Variants in MLXIPL observed in about 807,000 individuals in gnomAD.
MLXIPL encodes carbohydrate-responsive element-binding protein.
A neutral mutation model predicts 81.5 loss-of-function variants in MLXIPL; 49 were observed. The observed-to-expected ratio is 0.60, with a 90% CI of 0.48 to 0.76. The LOEUF is 0.76. Ranked by LOEUF, MLXIPL falls within the 30% of genes least tolerant of loss-of-function variation. The pLI, the probability that MLXIPL is intolerant of heterozygous loss-of-function variation, is 0.00. For missense variants in MLXIPL, 1,053 were observed against 1,167.0 expected, an observed-to-expected ratio of 0.90 and a Z score of 1.42; for synonymous variants, 466 against 485.5, an observed-to-expected ratio of 0.96 and a Z score of 0.53.
At chr7:73,644,890 G>A in the MLXIPL span, among the ~76,000 whole-genome samples, 1 of 152,206 alleles carries the variant, frequency 6.6e-6, no homozygotes, top group Non-Finnish European at 1.5e-5. Context: ...TCAGGCCCCT[G>A]GACTGAGATA....
At chr7:73,605,830 A>G (rs1795230010) in intron 6 of MLXIPL, 62 bp from the exon 7 acceptor site, 3 of 1,566,746 alleles carry the variant, frequency 1.9e-6, no homozygotes, top group South Asian at 1.1e-5. Context: ...CCCCACCCCC[A>G]TCCCCAGCCA....
intron 2 of MLXIPL, among the ~76,000 whole-genome samples, chr7:73,611,783 CCCAGCCTGGGTGACAGAG>C (rs1554599784): frequency 6.6e-6 from 1 of 151,200 alleles, no homozygotes; most frequent in East Asian, 2.0e-4. Flanking sequence ...ACCACTGCAC[CCCAGCCTGGGTGACAGAG>C]TGAGACTGTC....
In MLXIPL at chr7:73,596,936, T is replaced by C. The variant is rs927561760; in HGVS notation, c.1604-4A>G. ...TCCAGGGCTTGCTCCGGCTTAGCTG[T>C]GCACGGGCAGAACCGTGAGGCTACT... On this transcript the variant is annotated splice_polypyrimidine_tract_variant and splice_region_variant and intron_variant, in intron 9 of 16. Transcript: ENST00000313375. This position sits in a 1 kb window ranked among gnomAD's most constrained non-coding sequence, Gnocchi z 4.7. 22 of 1,608,244 alleles carry C rather than the reference T, an allele frequency of 1.4e-5. No homozygotes were observed. The highest frequency in any genetic ancestry group is 1.9e-5 in the Non-Finnish European group (22 of 1,178,948).
chr7:73,608,828 G>C (rs1554599075), intron 2 of MLXIPL, among the ~76,000 whole-genome samples: 1 of 151,890 alleles, frequency 6.6e-6, no homozygotes, highest in African/African-American at 2.4e-5. Flanking sequence ...GCTCTTTTTT[G>C]TTTTTGTTGT....
chr7:73,620,921 A>G (rs782145296), intron 1 of MLXIPL, among the ~76,000 whole-genome samples: 1 of 151,204 alleles, frequency 6.6e-6, no homozygotes, highest in South Asian at 2.1e-4. Flanking sequence ...ATGGTGGCAC[A>G]TGCCTGTTAC....
the MLXIPL span, among the ~76,000 whole-genome samples, chr7:73,645,356 T>C: frequency 6.6e-6 from 1 of 152,208 alleles, no homozygotes; most frequent in Non-Finnish European, 1.5e-5. Context: ...GTCTCTTATT[T>C]ATCAGTGCCA....
chr7:73,622,935 C>T (rs540678393), intron 1 of MLXIPL, among the ~76,000 whole-genome samples: 3 of 152,224 alleles, frequency 2.0e-5, no homozygotes, highest in Non-Finnish European at 2.9e-5. Context: ...GGAGGAGTGC[C>T]GGCATCCGGT....
rs1584162804 is a variant in MLXIPL, at chr7:73,624,201, T to C, written c.292A>G (p.Ser98Gly). 2 of 1,303,498 alleles carry C rather than the reference T, an allele frequency of 1.5e-6. No homozygotes were observed. The highest frequency in any genetic ancestry group is 5.2e-5 in the East Asian group (1 of 19,148). 80.7% of individuals were successfully genotyped at this position (1,303,498 alleles called of 1,614,324 possible). A position where few individuals can be genotyped will look rare whatever the true frequency, so the allele number is the denominator to read the frequency against. ...RLFECLSLAY[S>G]GKLVSPKWKN... ...GTCAGGGCCCGGAACCGCCCTCACC[T>C]GTAGGCCAGGCTCAAGCACTCGAAG... Residue 98 changes from serine to glycine, a missense_variant and splice_region_variant, in exon 1 of 17, where the codon AGT becomes GGT. Transcript: ENST00000313375.
chr7:73,608,359 G>A (rs1475667219), intron 2 of MLXIPL, among the ~76,000 whole-genome samples: 1 of 152,076 alleles, frequency 6.6e-6, no homozygotes, highest in Non-Finnish European at 1.5e-5. Context: ...GGAGGCCTAG[G>A]TGGGTGAATA....
chr7:73,602,251 C>G (rs1554596590), intron 7 of MLXIPL, among the ~76,000 whole-genome samples: 1 of 147,372 alleles, frequency 6.8e-6, no homozygotes, highest in Non-Finnish European at 1.5e-5. Flanking sequence ...GAGTCTCGCT[C>G]TGTAGCCCAG....
chr7:73,621,445 A>G (rs1466925999), intron 1 of MLXIPL, among the ~76,000 whole-genome samples: 1 of 151,670 alleles, frequency 6.6e-6, no homozygotes, highest in East Asian at 2.0e-4. Flanking sequence ...TCCCTGGTCA[A>G]GCTCGCTGTT....
chr7:73,644,352 G>T, the MLXIPL span, among the ~76,000 whole-genome samples: 1 of 152,084 alleles, frequency 6.6e-6, no homozygotes, highest in Non-Finnish European at 1.5e-5. Flanking sequence ...TGGGATTACA[G>T]GTGCCCGCCA....
chr7:73,626,096 C>G (rs150194276), upstream of MLXIPL, among the ~76,000 whole-genome samples: 8 of 143,632 alleles, frequency 5.6e-5, no homozygotes, highest in African/African-American at 1.3e-4. Context: ...CTCTGCCTCC[C>G]TGGTTCAAGC....
chr7:73,594,768 C>T (rs1394670083), intron 15 of MLXIPL, among the ~76,000 whole-genome samples: 2 of 150,666 alleles, frequency 1.3e-5, no homozygotes, highest in African/African-American at 2.4e-5. Context: ...AGGCTGGTCT[C>T]GAACTCCTGA....
intron 7 of MLXIPL, among the ~76,000 whole-genome samples, chr7:73,601,677 T>A (rs1340860301): frequency 6.6e-6 from 1 of 152,064 alleles, no homozygotes; most frequent in Non-Finnish European, 1.5e-5. Flanking sequence ...ATTACAGGCA[T>A]GCACCACCAC....
chr7:73,596,791 TG>T lies in MLXIPL; in HGVS notation c.1672-3del. ...GGGGAATTCAGGGACTGTCTCCTGC[TG>T]GGGTGGAGAAGGGCGGAGAGTCGGG... On this transcript the variant is annotated splice_region_variant and splice_polypyrimidine_tract_variant and intron_variant, in intron 10 of 16. Coordinates refer to ENST00000313375, the MANE Select transcript of MLXIPL (RefSeq NM_032951.3). This position sits in a 1 kb window ranked among gnomAD's most constrained non-coding sequence, Gnocchi z 4.7. 1 of 1,607,248 alleles carries T rather than the reference TG, an allele frequency of 6.2e-7. No individual in the cohort carries two copies. Among genetic ancestry groups the T allele is most frequent in the Non-Finnish European group, 8.5e-7 (1 of 1,177,678 alleles).
At chr7:73,619,723 G>C (rs532463166) in intron 1 of MLXIPL, among the ~76,000 whole-genome samples, 1 of 151,854 alleles carries the variant, frequency 6.6e-6, no homozygotes, top group Non-Finnish European at 1.5e-5. Flanking sequence ...AAGGTCAGGA[G>C]ATCGAGACCA....
Position 73,597,378 on chromosome 7 carries a change from G to A in MLXIPL, c.1407C>T (p.Pro469=), listed in dbSNP as rs1563478947. The A allele has an allele frequency of 2.1e-6, 3 of 1,456,408 alleles. No homozygotes were observed. The highest frequency in any genetic ancestry group is 2.6e-5 in the Admixed American group (1 of 38,730). 90.2% of individuals were successfully genotyped at this position (1,456,408 alleles called of 1,614,324 possible). A position where few individuals can be genotyped will look rare whatever the true frequency, so the allele number is the denominator to read the frequency against. The change falls in exon 9 of 17, where the codon CCC becomes CCT. Residue 469 remains proline, a synonymous_variant. Coordinates refer to ENST00000313375, the MANE Select transcript of MLXIPL (RefSeq NM_032951.3). ...CCAAGGGTAGAAGCTCTATGGGGAA[G>A]GGGGTGGGGGCTGGGCTGGGGACAG... The part of the protein sequence containing the change: ...PQSVPSPAPT[P]FPIELLPLGY...
chr7:73,631,371 C>T, the MLXIPL span, among the ~76,000 whole-genome samples: 1 of 151,786 alleles, frequency 6.6e-6, no homozygotes, highest in Non-Finnish European at 1.5e-5. Flanking sequence ...CTAAGTGCAG[C>T]CCTATGGGTG....
Sources: gnomAD v4.1 joint callset for allele counts (sites outside exome capture counted in the v4.1 genomes callset) on GRCh38, gnomAD v4.1.1 for gene constraint, Gnocchi (gnomAD v3.1) non-coding constraint, MANE v1.5 for transcripts, NCBI Gene and HGNC (gene_info 2026-07-23, HGNC 2026-07-21) for gene names.